The following ABCA3 variants were observed in gnomAD, a reference collection of about 807,000 sequenced individuals.
ABCA3 encodes ATP binding cassette subfamily A member 3.
A neutral mutation model predicts 172.8 loss-of-function variants in ABCA3; 88 were observed. That is an observed-to-expected ratio of 0.51 (90% CI 0.43 to 0.61). The LOEUF (loss-of-function observed/expected upper bound fraction) is 0.61, where lower values mean the gene tolerates loss of function less well. Among genes scored for constraint, ABCA3 ranks in the 20% least tolerant of loss-of-function variants. The pLI, the probability that ABCA3 is intolerant of heterozygous loss-of-function variation, is 0.00. For missense variants in ABCA3, 2,164 were observed against 2,301.0 expected, an observed-to-expected ratio of 0.94 and a Z score of 1.22; for synonymous variants, 1,066 against 983.8, an observed-to-expected ratio of 1.08 and a Z score of -1.56.
In ABCA3 at chr16:2,284,327, T is replaced by G. The variant is rs778466596; in HGVS notation, c.3814A>C (p.Arg1272=). The G allele has an allele frequency of 3.7e-6, 6 of 1,613,908 alleles. No individual in the cohort carries two copies. The highest frequency in any genetic ancestry group is 5.1e-6 in the Non-Finnish European group (6 of 1,180,002). ...GCGACCTCGGAGGAGGTGCAGTACC[T>G]CCGCGTCTCGTAGTTCTCGTAGAAA... is the stretch of plus-strand genomic sequence containing the variant. ...SSFYENYETR[R]YCTSSEVAAH... is the part of the protein sequence containing the mutation. The change falls in exon 25 of 33, where the codon AGG becomes CGG. Residue 1272 remains arginine, a synonymous_variant. Transcript: ENST00000301732. This position sits in a 1 kb window ranked among gnomAD's most constrained non-coding sequence, Gnocchi z 5.9.
rs1316024928 is a variant in ABCA3 at position 2,285,826 on chromosome 16, G to A, written c.3279-180C>T. ...GGAACATCTGCCCCCACCGGAGAAC[G>A]GTTCCTCTGGAATTCCTATGCTGAC... On this transcript the variant is annotated intron_variant, in intron 22 of 32. Transcript: ENST00000301732. This position sits in a 1 kb window ranked among gnomAD's most constrained non-coding sequence, Gnocchi z 4.7. Among the ~76,000 whole-genome samples the A allele has an allele frequency of 3.3e-5, 5 of 152,130 alleles. No homozygotes were observed. Among genetic ancestry groups the A allele is most frequent in the African/African-American group, 7.2e-5 (3 of 41,424 alleles).
At chr16:2,318,946 T>C (rs976785073) in intron 8 of ABCA3, among the ~76,000 whole-genome samples, 5 of 151,636 alleles carry the variant, frequency 3.3e-5, no homozygotes, top group Non-Finnish European at 7.4e-5. Flanking sequence ...TGTATCTGCA[T>C]ATGTGCACAC....
At chr16:2,320,048 G>A (rs1414011369) in intron 7 of ABCA3, among the ~76,000 whole-genome samples, 1 of 152,076 alleles carries the variant, frequency 6.6e-6, no homozygotes, top group East Asian at 1.9e-4. Context: ...AGATGTGATT[G>A]TCACTTCCAC....
chr16:2,300,972 T>C (rs985430086), intron 12 of ABCA3, among the ~76,000 whole-genome samples: 1 of 150,176 alleles, frequency 6.7e-6, no homozygotes, highest in Non-Finnish European at 1.5e-5. Flanking sequence ...GGCTCGAGCC[T>C]GTAATCCCAG....
Position 2,288,006 on chromosome 16 carries a change from GC to G in ABCA3, c.3004+19del. 2 of 1,599,402 alleles carry G rather than the reference GC, an allele frequency of 1.3e-6. No homozygotes were observed. On this transcript the variant is annotated intron_variant, in intron 21 of 32. Coordinates refer to ENST00000301732, the MANE Select transcript of ABCA3 (RefSeq NM_001089.3). Reference sequence around the variant, plus strand: ...GACTGGCCCCCGATGCCCCCGTCCCGCCCCCGGGATGCCCCTTACCGAGCAC... The same window carrying G: ...GACTGGCCCCCGATGCCCCCGTCCCGCCCCGGGATGCCCCTTACCGAGCAC...
rs552458962 is a variant in ABCA3 at position 2,319,019 on chromosome 16, A to G, written c.873+562T>C. ...GACTCCCTCAATGCTGCATAGTTTT[A>G]TGAAAGTTATTTATGGCACCAAGCA... On this transcript the variant is annotated intron_variant, in intron 8 of 32. Coordinates refer to ENST00000301732, the MANE Select transcript of ABCA3 (RefSeq NM_001089.3). 1.7e-4 allele frequency among the ~76,000 whole-genome samples: 26 copies of G among 150,658 alleles called. No individual in the cohort carries two copies. The South Asian group carries it at 5.4e-3, about 32-fold the overall frequency.
chr16:2,295,819 C>G, intron 17 of ABCA3, 79 bp from the exon 18 acceptor site: 1 of 1,595,404 alleles, frequency 6.3e-7, no homozygotes. Flanking sequence ...CTCTAGGGCT[C>G]ACACCAGGCA....
intron 11 of ABCA3, among the ~76,000 whole-genome samples, chr16:2,307,796 A>G (rs1273953169): frequency 6.6e-6 from 1 of 151,880 alleles, no homozygotes; most frequent in Non-Finnish European, 1.5e-5. Flanking sequence ...TAGTAGAGAC[A>G]GGGTTTCACC....
At chr16:2,340,340 C>A (rs998063896) in intron 1 of ABCA3, among the ~76,000 whole-genome samples, 23 of 151,904 alleles carry the variant, frequency 1.5e-4, no homozygotes, top group Non-Finnish European at 2.5e-4. Flanking sequence ...TGGGAGCCGA[C>A]GCTGAGGGAG....
chr16:2,322,325 G>A (rs45478291), intron 7 of ABCA3, among the ~76,000 whole-genome samples: 207 of 151,982 alleles, frequency 1.4e-3, no homozygotes, highest in African/African-American at 4.5e-3. Context: ...AGTTATACTG[G>A]ATGTTTTACT....
Position 2,288,191 on chromosome 16 carries a change from A to T in ABCA3, c.2839T>A (p.Ser947Thr). The T allele has an allele frequency of 6.2e-7, 1 of 1,604,568 alleles. No individual in the cohort carries two copies. The highest frequency in any genetic ancestry group is 8.5e-7 in the Non-Finnish European group (1 of 1,175,486). ...VTLALLAINY[S>T]SELFDDPMLR... ...ATGGGGTCGTCGAAGAGCTCCGAGGAGTAGTTGATGGCCAGGAGGGCCAGG... is the reference window on the plus strand; with the variant it reads ...ATGGGGTCGTCGAAGAGCTCCGAGGTGTAGTTGATGGCCAGGAGGGCCAGG... Residue 947 changes from serine (S) to threonine (T), a missense_variant, in exon 21 of 33, where the codon TCC becomes ACC. Coordinates refer to ENST00000301732, the MANE Select transcript of ABCA3 (RefSeq NM_001089.3).
At chr16:2,305,329 A>G (rs62040676) in intron 11 of ABCA3, among the ~76,000 whole-genome samples, 16,948 of 150,138 alleles carry the variant, frequency 0.11, 1,658 homozygotes, top group East Asian at 0.42. Context: ...ACAGAGTCTC[A>G]CTCTGTTGCC....
Position 2,285,059 on chromosome 16 carries a change from G to A in ABCA3, c.3484-61C>T. 2 of 1,551,818 alleles carry A rather than the reference G, an allele frequency of 1.3e-6. No homozygotes were observed. Among genetic ancestry groups the A allele is most frequent in the Non-Finnish European group, 1.7e-6 (2 of 1,142,944 alleles). On this transcript the variant is annotated intron_variant, in intron 23 of 32. Transcript: ENST00000301732. The surrounding 1 kb of genome is among the most constrained non-coding windows in gnomAD (Gnocchi z 4.7). ...AAGCTGAGAGGAGCTCACGGGTAGGGAAGGGGTGAGAGGAGCATTTGGAGG... is the reference window on the plus strand; with the variant it reads ...AAGCTGAGAGGAGCTCACGGGTAGGAAAGGGGTGAGAGGAGCATTTGGAGG...
rs56188451 is a variant in ABCA3 at position 2,287,288 on chromosome 16, C to CTTTT, written c.3005-325_3005-322dup. 0.064 allele frequency among the ~76,000 whole-genome samples: 9,384 copies of CTTTT among 147,490 alleles called. 417 individuals carry two copies. Among genetic ancestry groups the CTTTT allele is most frequent in the Middle Eastern group, 0.1 (30 of 286 alleles). On this transcript the variant is annotated intron_variant, in intron 21 of 32. Transcript: ENST00000301732. The surrounding 1 kb of genome is among the most constrained non-coding windows in gnomAD (Gnocchi z 4.1). ...CCAACTATGACTACCAAGACTCTTTCTTTTTTTTTTTGAGACAGTCTTGCT... is the reference window on the plus strand; with the variant it reads ...CCAACTATGACTACCAAGACTCTTTCTTTTTTTTTTTTTTTGAGACAGTCTTGCT...
intron 1 of ABCA3, among the ~76,000 whole-genome samples, chr16:2,336,771 C>T (rs982827881): frequency 6.6e-6 from 1 of 151,932 alleles, no homozygotes; most frequent in African/African-American, 2.4e-5. Context: ...ATCTTAAATG[C>T]TGGGACTTAG....
chr16:2,299,353 G>C, intron 14 of ABCA3, 50 bp downstream of exon 14: 13 of 1,609,610 alleles, frequency 8.1e-6, no homozygotes, highest in Non-Finnish European at 1.1e-5. Context: ...CTGAGATGGT[G>C]TTAAAGGGGG....
At chr16:2,311,490 A>T (rs145587741) in intron 10 of ABCA3, among the ~76,000 whole-genome samples, 2 of 152,084 alleles carry the variant, frequency 1.3e-5, no homozygotes, top group Non-Finnish European at 2.9e-5. Flanking sequence ...GCTCTGTTAC[A>T]TTAACATCCA....
chr16:2,306,672 G>A (rs2093698086), intron 11 of ABCA3, among the ~76,000 whole-genome samples: 1 of 152,146 alleles, frequency 6.6e-6, no homozygotes, highest in African/African-American at 2.4e-5. Context: ...CAGAATGAGA[G>A]CCCACAGGCC....
At chr16:2,299,311 A>G in intron 14 of ABCA3, 92 bp downstream of exon 14, 1 of 1,570,906 alleles carries the variant, frequency 6.4e-7, no homozygotes, top group South Asian at 1.1e-5. Flanking sequence ...AAGGCCCGAA[A>G]GCCCCATTGA....
Sources: gnomAD v4.1 joint callset for allele counts (sites outside exome capture counted in the v4.1 genomes callset) on GRCh38, gnomAD v4.1.1 for gene constraint, Gnocchi (gnomAD v3.1) non-coding constraint, MANE v1.5 for transcripts, NCBI Gene and HGNC (gene_info 2026-07-23, HGNC 2026-07-21) for gene names.